Variants in MSC observed in about 807,000 individuals in gnomAD.
MSC encodes activated B-cell factor 1, homolog of mouse musculin.
Under a neutral mutation model 14.4 loss-of-function variants are expected in MSC, and 16 were observed. The observed-to-expected ratio is 1.11, with a 90% CI of 0.75 to 1.69. MSC has a LOEUF of 1.69. MSC is among the 40% of genes most tolerant of loss of function. The probability of loss-of-function intolerance (pLI) is 0.00; values close to 1 mark genes in which losing one functional copy is unlikely to be tolerated. For missense variants in MSC, 320 were observed against 288.1 expected (o/e 1.11, Z -0.80); for synonymous variants, 165 against 128.5 (o/e 1.28, Z -1.92).
Position 71,842,711 on chromosome 8 carries a change from C to CA in MSC, c.570dup (p.Asp191Ter). The CA allele has an allele frequency of 1.2e-6, 2 of 1,614,112 alleles. No individual in the cohort carries two copies. Among genetic ancestry groups the CA allele is most frequent in the Non-Finnish European group, 1.7e-6 (2 of 1,180,028 alleles). ...TTGGCTGCGGAAACTTCTTTGGTGTCAGAGTCCGGTCTTCCCGAGACCACG... is the reference window on the plus strand; with the variant it reads ...TTGGCTGCGGAAACTTCTTTGGTGTCAAGAGTCCGGTCTTCCCGAGACCACG... On this transcript the variant is annotated frameshift_variant, in exon 2 of 2. Coordinates refer to ENST00000325509, the MANE Select transcript of MSC (RefSeq NM_005098.4). LOFTEE classifies it high-confidence loss of function.
rs1431113352 is a variant in MSC, at chr8:71,842,747, T to C, written c.535A>G (p.Thr179Ala). The C allele has an allele frequency of 1.2e-6, 2 of 1,613,988 alleles. No homozygotes were observed. The highest frequency in any genetic ancestry group is 1.7e-6 in the Non-Finnish European group (2 of 1,179,868). ...ENGYVHPVNL[T>A]WPFVVSGRPD... ...CTTCCCGAGACCACGAATGGCCATGTCTGTAAATCAAAAAGAACGTGAGAT... is the reference window on the plus strand; with the variant it reads ...CTTCCCGAGACCACGAATGGCCATGCCTGTAAATCAAAAAGAACGTGAGAT... Residue 179 changes from threonine (T) to alanine (A), a missense_variant and splice_region_variant, in exon 2 of 2, where the codon ACA (threonine) becomes GCA (alanine). Transcript: ENST00000325509.
Position 71,844,295 on chromosome 8 carries a change from A to G in MSC, c.-117T>C. ...CCAGAGAGCGCTCCAAGGAAGACTA[A>G]AAACCCAGGCCGGGAAGCGCGGGGT... On this transcript the variant is annotated 5_prime_UTR_variant, in exon 1 of 2. Transcript: ENST00000325509. The G allele has an allele frequency of 1.4e-6, 2 of 1,450,450 alleles. No homozygotes were observed. Among genetic ancestry groups the G allele is most frequent in the Non-Finnish European group, 1.9e-6 (2 of 1,060,332 alleles). 89.8% of individuals were successfully genotyped at this position (1,450,450 alleles called of 1,614,324 possible).
chr8:71,844,088 G>A lies in MSC; in HGVS notation c.91C>T (p.Leu31Phe), dbSNP rs778883328. 6.6e-7 allele frequency: 1 copy of A among 1,517,092 alleles called. No homozygotes were observed. Among genetic ancestry groups the A allele is most frequent in the Non-Finnish European group, 8.8e-7 (1 of 1,134,304 alleles). 94.0% of individuals were successfully genotyped at this position (1,517,092 alleles called of 1,614,324 possible). The stretch of plus-strand genomic sequence containing the variant: ...GCGTAGCTGCGCTCTACGCCGCGGA[G>A]GGGCGGCCTCTTGGAGGCGGGGACC... The part of the protein sequence containing the change: ...YPVPASKRPP[L>F]RGVERSYASP... The change falls in exon 1 of 2, where the codon CTC (leucine) becomes TTC (phenylalanine). Residue 31 changes from leucine to phenylalanine, a missense_variant. By Grantham distance (22) the Leu-to-Phe change is conservative. Coordinates refer to ENST00000325509, the MANE Select transcript of MSC (RefSeq NM_005098.4).
intron 1 of MSC, chr8:71,843,414 G>T (rs1325759562): frequency 1.6e-6 from 1 of 639,040 alleles, no homozygotes; most frequent in Non-Finnish European, 2.8e-6. Context: ...GGCTGTCACT[G>T]GGGTACAATG....
chr8:71,844,219 C>G lies in MSC; in HGVS notation c.-41G>C, dbSNP rs371614723. 1 of 1,607,816 alleles carries G rather than the reference C, an allele frequency of 6.2e-7. No individual in the cohort carries two copies. ...GCCCACACGCGTCCTCTTTCCTCCC[C>G]CCTGGCCAGTCTCGCTGTCTCCGCC... is the stretch of plus-strand genomic sequence containing the variant. On this transcript the variant is annotated 5_prime_UTR_variant, in exon 1 of 2. Transcript: ENST00000325509.
At chr8:71,842,824 C>T in intron 1 of MSC, 77 bp from the exon 2 acceptor site, 1 of 1,266,540 alleles carries the variant, frequency 7.9e-7, no homozygotes, top group African/African-American at 1.5e-5. Flanking sequence ...ACGCGAACCC[C>T]AGATATTCCT....
Position 71,842,669 on chromosome 8 carries a change from TG to T in MSC, c.612del (p.Thr205ProfsTer15). On this transcript the variant is annotated frameshift_variant, in exon 2 of 2. Coordinates refer to ENST00000325509, the MANE Select transcript of MSC (RefSeq NM_005098.4). LOFTEE classifies it high-confidence loss of function. The part of the protein sequence containing the change: ...EVSAANRLCG[T>X]TA ...GTGAGTTCCAGTCCGATTTAAGCGG[TG>T]GTTCCACATAGTCTGTTGGCTGCGG... The T allele has an allele frequency of 6.2e-7, 1 of 1,614,126 alleles. No individual in the cohort carries two copies. Among genetic ancestry groups the T allele is most frequent in the Non-Finnish European group, 8.5e-7 (1 of 1,179,978 alleles).
In MSC at chr8:71,842,405, C is replaced by T; in HGVS notation, c.*256G>A. ...TAGGGCCCGAGGGTGGACCTGCGTC[C>T]GCGTCTCGTCACGAAAGGAAGCTCT... On this transcript the variant is annotated 3_prime_UTR_variant, in exon 2 of 2. Transcript: ENST00000325509. The T allele has an allele frequency of 6.5e-6, 3 of 464,380 alleles. No homozygotes were observed. The highest frequency in any genetic ancestry group is 1.2e-5 in the Non-Finnish European group (3 of 250,176). The allele number at this position is 464,380 out of a possible 1,614,324, so 28.8% of individuals were successfully genotyped here.
chr8:71,843,859 G>T lies in MSC; in HGVS notation c.320C>A (p.Ser107Ter). 6.2e-7 allele frequency: 1 copy of T among 1,612,424 alleles called. No homozygotes were observed. The highest frequency in any genetic ancestry group is 8.5e-7 in the Non-Finnish European group (1 of 1,179,512). The part of the protein sequence containing the change: ...AKGSAAECKQ[S>*]QRNAANARER... Reference sequence around the variant, plus strand: ...ACGGGCGTTGGCCGCGTTCCGCTGCGACTGCTTGCACTCTGCGGCTGAGCC... The same window carrying T: ...ACGGGCGTTGGCCGCGTTCCGCTGCTACTGCTTGCACTCTGCGGCTGAGCC... Residue 107 changes from serine (S) to a stop codon, truncating the protein, a stop_gained, in exon 1 of 2, where the codon TCG becomes TAG. Transcript: ENST00000325509. LOFTEE classifies it high-confidence loss of function.
At chr8:71,843,491 G>T in intron 1 of MSC, 154 bp downstream of exon 1, 1 of 943,276 alleles carries the variant, frequency 1.1e-6, no homozygotes, top group Non-Finnish European at 1.7e-6. Context: ...CCACTCCCTT[G>T]ATTTGGGAGA....
intron 1 of MSC, chr8:71,843,080 A>G (rs1205611236): frequency 2.6e-5 from 9 of 350,556 alleles, no homozygotes; most frequent in Non-Finnish European, 5.5e-6. Context: ...ACACACACAC[A>G]CAGTCATCCA....
At chr8:71,843,472 A>T in intron 1 of MSC, 173 bp downstream of exon 1, 1 of 803,018 alleles carries the variant, frequency 1.2e-6, no homozygotes, top group Non-Finnish European at 2.1e-6. Flanking sequence ...TCTTCAGGGA[A>T]ATGGCTGGCC....
rs1443073978 is a variant in MSC at position 71,843,983 on chromosome 8, T to C, written c.196A>G (p.Ser66Gly). ...CGCTTCCTCTTGCAGCCTTCCGCGC[T>C]GCCGGCTGTGCCCAGAGCGCAGCGC... Reference protein sequence around the residue: ...EERCALGTAGSAEGCKRKRPR... With the variant: ...EERCALGTAGGAEGCKRKRPR... The change falls in exon 1 of 2, where the codon AGC becomes GGC. Residue 66 changes from serine to glycine, a missense_variant. Coordinates refer to ENST00000325509, the MANE Select transcript of MSC (RefSeq NM_005098.4). The C allele has an allele frequency of 3.2e-6, 5 of 1,563,410 alleles. No individual in the cohort carries two copies. Among genetic ancestry groups the C allele is most frequent in the Non-Finnish European group, 4.3e-6 (5 of 1,156,174 alleles).
At position 71,844,089 on chromosome 8, in the gene MSC, G is replaced by C; in HGVS notation, c.90C>G (p.Pro30=). The part of the protein sequence containing the change: ...EYPVPASKRP[P]LRGVERSYAS... ...CGTAGCTGCGCTCTACGCCGCGGAGGGGCGGCCTCTTGGAGGCGGGGACCG... is the reference window on the plus strand; with the variant it reads ...CGTAGCTGCGCTCTACGCCGCGGAGCGGCGGCCTCTTGGAGGCGGGGACCG... Residue 30 remains proline (P), a synonymous_variant, in exon 1 of 2, where the codon CCC becomes CCG. Transcript: ENST00000325509. 13 of 1,518,198 alleles carry C rather than the reference G, an allele frequency of 8.6e-6. No homozygotes were observed. The highest frequency in any genetic ancestry group is 1.1e-5 in the Non-Finnish European group (12 of 1,134,690). The allele number at this position is 1,518,198 out of a possible 1,614,324, so 94.0% of individuals were successfully genotyped here. A position where few individuals can be genotyped will look rare whatever the true frequency, so the allele number is the denominator to read the frequency against.
At position 71,843,744 on chromosome 8, in the gene MSC, C is replaced by T; in HGVS notation, c.435G>A (p.Lys145=). Residue 145 remains lysine (K), a synonymous_variant, in exon 1 of 2, where the codon AAG becomes AAA. Coordinates refer to ENST00000325509, the MANE Select transcript of MSC (RefSeq NM_005098.4). ...TGGAAGCCAGCCGGAGCGTGTCCAG[C>T]TTGGAGAGCTTAGTGTCGGGGGGCA... ...PWVPPDTKLS[K]LDTLRLASSY... The T allele has an allele frequency of 6.2e-7, 1 of 1,614,178 alleles. No individual in the cohort carries two copies. Among genetic ancestry groups the T allele is most frequent in the South Asian group, 1.1e-5 (1 of 91,086 alleles).
intron 1 of MSC, chr8:71,843,032 A>G: frequency 6.2e-6 from 1 of 162,364 alleles, no homozygotes; most frequent in Non-Finnish European, 1.1e-5. Flanking sequence ...CCCTTCCCCA[A>G]CACACACACA....
Position 71,842,703 on chromosome 8 carries a change from T to G in MSC, c.579A>C (p.Lys193Asn), listed in dbSNP as rs1563797507. 6.2e-7 allele frequency: 1 copy of G among 1,614,174 alleles called. No individual in the cohort carries two copies. The highest frequency in any genetic ancestry group is 1.7e-5 in the Admixed American group (1 of 60,028). The change falls in exon 2 of 2, where the codon AAA becomes AAC. Residue 193 changes from lysine to asparagine, a missense_variant. Coordinates refer to ENST00000325509, the MANE Select transcript of MSC (RefSeq NM_005098.4). ...VVSGRPDSDT[K>N]EVSAANRLCG... ...ATAGTCTGTTGGCTGCGGAAACTTC[T>G]TTGGTGTCAGAGTCCGGTCTTCCCG...
rs1807452589 is a variant in MSC, at chr8:71,843,981, G to A, written c.198C>T (p.Ser66=). The change falls in exon 1 of 2, where the codon AGC becomes AGT. Residue 66 remains serine (S), a synonymous_variant. Transcript: ENST00000325509. ...GCCGCTTCCTCTTGCAGCCTTCCGCGCTGCCGGCTGTGCCCAGAGCGCAGC... is the reference window on the plus strand; with the variant it reads ...GCCGCTTCCTCTTGCAGCCTTCCGCACTGCCGGCTGTGCCCAGAGCGCAGC... ...EERCALGTAG[S]AEGCKRKRPR... 1.3e-6 allele frequency: 2 copies of A among 1,562,924 alleles called. No individual in the cohort carries two copies. The highest frequency in any genetic ancestry group is 8.7e-7 in the Non-Finnish European group (1 of 1,155,904).
Position 71,843,031 on chromosome 8 carries a change from AACACACACACACACACACGCAC to A in MSC, c.535-306_535-285del, listed in dbSNP as rs1250199761. The A allele has an allele frequency of 2.7e-4, 72 of 268,988 alleles. No homozygotes were observed. In the East Asian group the frequency reaches 3.0e-3, roughly 11 times the overall value. 16.7% of individuals were successfully genotyped at this position (268,988 alleles called of 1,614,324 possible). ...GTTCTGTCGTTTAGTTCCCTTCCCC[AACACACACACACACACACGCAC>A]ACACACACACACACACACACACACA... On this transcript the variant is annotated intron_variant, in intron 1 of 1. Transcript: ENST00000325509.
Sources: gnomAD v4.1 joint callset for allele counts on GRCh38, gnomAD v4.1.1 for gene constraint, MANE v1.5 for transcripts, NCBI Gene and HGNC (gene_info 2026-07-23, HGNC 2026-07-21) for gene names.